Variants in TNNI3K observed in about 807,000 individuals in gnomAD.
TNNI3K encodes TNNI3 interacting kinase.
A neutral mutation model predicts 114.5 loss-of-function variants in TNNI3K; 140 were observed. That is an observed-to-expected ratio of 1.22 (90% CI 1.07 to 1.41). TNNI3K has a LOEUF of 1.41. TNNI3K is among the 40% of genes most tolerant of loss of function. TNNI3K has a pLI of 0.00. For synonymous variants in TNNI3K, 347 were observed against 347.5 expected (o/e 1.00, Z 0.02); for missense variants, 1,125 against 1,007.6 (o/e 1.12, Z -1.58).
rs533861096 is a variant in TNNI3K, at chr1:74,411,203, T to C, written c.1773-24877T>C. 1.1e-3 allele frequency among the ~76,000 whole-genome samples: 160 copies of C among 152,304 alleles called. 1 individual carries two copies. The highest frequency in any genetic ancestry group is 3.7e-3 in the African/African-American group (155 of 41,574). ...TTGAAGATTTCTCAATAAAAGATAA[T>C]AGTGTGACAATTTCATTAAATAATA... On this transcript the variant is annotated intron_variant, in intron 17 of 24. Transcript: ENST00000326637.
At chr1:74,278,125 T>A (rs917677764) in intron 5 of TNNI3K, among the ~76,000 whole-genome samples, 1 of 8,008 alleles carries the variant, frequency 1.2e-4, no homozygotes, top group Non-Finnish European at 2.5e-4. Flanking sequence ...TTATAAAATA[T>A]GGTTTCTCTC....
At chr1:74,364,824 A>G (rs369030764) in intron 11 of TNNI3K, among the ~76,000 whole-genome samples, 43 of 152,176 alleles carry the variant, frequency 2.8e-4, no homozygotes, top group African/African-American at 1.0e-3. Flanking sequence ...TAAAACTTGG[A>G]AAAGTCAAGG....
At position 74,325,482 on chromosome 1, in the gene TNNI3K, C is replaced by T. The variant is rs116209801; in HGVS notation, c.445-5968C>T. 2.0e-3 allele frequency among the ~76,000 whole-genome samples: 311 copies of T among 152,254 alleles called. 1 individual carries two copies. The highest frequency in any genetic ancestry group is 0.01 in the Middle Eastern group (3 of 294). ...AGGCAGAGAATTAGAAACTGTGTCC[C>T]TGGTGACTAAGTCCTGCTTGTGGTA... On this transcript the variant is annotated intron_variant, in intron 5 of 24. Transcript: ENST00000326637.
chr1:74,365,404 A>C (rs1430247777), intron 11 of TNNI3K, among the ~76,000 whole-genome samples: 1 of 152,076 alleles, frequency 6.6e-6, no homozygotes, highest in South Asian at 2.1e-4. Flanking sequence ...TGTTAGAAAC[A>C]CAACACTCAG....
chr1:74,266,124 C>T (rs1655968505), intron 4 of TNNI3K, among the ~76,000 whole-genome samples: 1 of 151,904 alleles, frequency 6.6e-6, no homozygotes, highest in Non-Finnish European at 1.5e-5. Context: ...GTGTGGATGG[C>T]TTGATTCTGT....
intron 5 of TNNI3K, 105 bp from the exon 6 acceptor site, chr1:74,331,345 G>C: frequency 1.7e-6 from 2 of 1,149,322 alleles, no homozygotes; most frequent in South Asian, 3.3e-5. Flanking sequence ...TTGTGTTTTA[G>C]GGTGGCAACT....
rs151065584 is a variant in TNNI3K, at chr1:74,317,328, A to G, written c.445-14122A>G. 2.0e-3 allele frequency among the ~76,000 whole-genome samples: 312 copies of G among 152,342 alleles called. 2 individuals are homozygous for G. The highest frequency in any genetic ancestry group is 7.3e-3 in the African/African-American group (303 of 41,588). ...AAATAATAATTATAGTATTAGCTGTAGTAGTAACAATTACATATAATGCTT... is the reference window on the plus strand; with the variant it reads ...AAATAATAATTATAGTATTAGCTGTGGTAGTAACAATTACATATAATGCTT... On this transcript the variant is annotated intron_variant, in intron 5 of 24. Coordinates refer to ENST00000326637, the MANE Select transcript of TNNI3K (RefSeq NM_015978.3).
chr1:74,543,796 T>C (rs1646756126), intron 24 of TNNI3K, 110 bp from the exon 25 acceptor site: 3 of 1,213,060 alleles, frequency 2.5e-6, no homozygotes, highest in East Asian at 4.8e-5. Context: ...GTTGTCCAGA[T>C]TGTCTGTTCA....
At chr1:74,445,534 T>C (rs558285945) in intron 20 of TNNI3K, among the ~76,000 whole-genome samples, 1 of 150,774 alleles carries the variant, frequency 6.6e-6, no homozygotes, top group Non-Finnish European at 1.5e-5. Flanking sequence ...TCCATGTCCC[T>C]ACAAAGGACG....
chr1:74,373,259 G>C (rs1319649897), intron 17 of TNNI3K: 1 of 151,906 alleles, frequency 6.6e-6, no homozygotes, highest in Non-Finnish European at 1.5e-5. Flanking sequence ...GTAAGTCAAA[G>C]ATGAAAGTTG....
chr1:74,371,641 G>GAA (rs1298018963), intron 17 of TNNI3K: 7 of 151,732 alleles, frequency 4.6e-5, no homozygotes, highest in Admixed American at 4.6e-4. Context: ...TATACAAAGT[G>GAA]TATAAATGTA....
intron 11 of TNNI3K, 35 bp from the exon 12 acceptor site, chr1:74,367,221 T>G: frequency 6.2e-7 from 1 of 1,603,642 alleles, no homozygotes; most frequent in Non-Finnish European, 8.5e-7. Flanking sequence ...TAAACAAAAT[T>G]TAGGACTCTT....
chr1:74,522,636 ATG>A (rs148341415), intron 23 of TNNI3K, among the ~76,000 whole-genome samples: 3 of 151,432 alleles, frequency 2.0e-5, no homozygotes, highest in African/African-American at 7.4e-5. Flanking sequence ...CCTAAGGTGT[ATG>A]TGTGTGTGTG....
intron 5 of TNNI3K, among the ~76,000 whole-genome samples, chr1:74,300,838 G>A (rs1658280917): frequency 6.6e-6 from 1 of 152,144 alleles, no homozygotes; most frequent in African/African-American, 2.4e-5. Flanking sequence ...TGGGGATGAG[G>A]TGCTTACTTT....
At chr1:74,276,595 T>TA (rs1459740331) in intron 5 of TNNI3K, among the ~76,000 whole-genome samples, 2 of 152,092 alleles carry the variant, frequency 1.3e-5, no homozygotes, top group Non-Finnish European at 2.9e-5. Flanking sequence ...TATTTTTTAT[T>TA]ATCATGGTTA....
chr1:74,461,691 C>T (rs1012749578), intron 20 of TNNI3K, among the ~76,000 whole-genome samples: 9 of 152,104 alleles, frequency 5.9e-5, no homozygotes, highest in African/African-American at 1.9e-4. Context: ...GTATTGATAA[C>T]CCTCACACAC....
At chr1:74,312,681 C>A (rs1659062901) in intron 5 of TNNI3K, among the ~76,000 whole-genome samples, 1 of 152,180 alleles carries the variant, frequency 6.6e-6, no homozygotes, top group Non-Finnish European at 1.5e-5. Context: ...CCAAGTTAAG[C>A]CTTATCAATG....
At chr1:74,276,187 T>A (rs922502857) in intron 5 of TNNI3K, among the ~76,000 whole-genome samples, 4 of 152,120 alleles carry the variant, frequency 2.6e-5, no homozygotes, top group Non-Finnish European at 5.9e-5. Context: ...AGTGGAAATG[T>A]TCATTAATCA....
Position 74,459,509 on chromosome 1 carries a change from G to A in TNNI3K, c.2012-3932G>A, listed in dbSNP as rs143061247. ...TAGGGGAGAACATTCCAGGCAAAAG[G>A]AATCGCATTTTAGAATTAACAACTG... On this transcript the variant is annotated intron_variant, in intron 20 of 24. Coordinates refer to ENST00000326637, the MANE Select transcript of TNNI3K (RefSeq NM_015978.3). 2.8e-4 allele frequency among the ~76,000 whole-genome samples: 43 copies of A among 152,210 alleles called. No homozygotes were observed. The East Asian group carries it at 8.1e-3, about 29-fold the overall frequency.
Sources: allele counts gnomAD v4.1 joint callset (sites outside exome capture counted in the v4.1 genomes callset), GRCh38; gene constraint gnomAD v4.1.1; transcripts MANE v1.5; gene names NCBI Gene and HGNC (gene_info 2026-07-23, HGNC 2026-07-21).